PRDM4: variants seen among roughly 807,000 people sequenced by gnomAD.
PRDM4 encodes PR/SET domain 4.
Under a neutral mutation model 62.3 loss-of-function variants are expected in PRDM4, and 38 were observed. That is an observed-to-expected ratio of 0.61 (90% CI 0.47 to 0.80). The LOEUF (loss-of-function observed/expected upper bound fraction) is 0.80. PRDM4 is among the 30% of genes least tolerant of loss of function. The pLI, the probability that PRDM4 is intolerant of heterozygous loss-of-function variation, is 0.00. For synonymous variants in PRDM4, 339 were observed against 348.2 expected (o/e 0.97, Z 0.30); for missense variants, 858 against 997.1 (o/e 0.86, Z 1.88).
chr12:107,760,552 G>C lies in PRDM4; in HGVS notation c.-37C>G. On this transcript the variant is annotated 5_prime_UTR_variant, in exon 2 of 12. Coordinates refer to ENST00000228437, the MANE Select transcript of PRDM4 (RefSeq NM_012406.4). ...CAAATATCAGAGAAAGGAGCGCTCG[G>C]GTGGTGGGGAACAGGCATCAGGGTT... 6.2e-7 allele frequency: 1 copy of C among 1,611,994 alleles called. No homozygotes were observed. The highest frequency in any genetic ancestry group is 1.1e-5 in the South Asian group (1 of 90,650).
At chr12:107,758,425 T>C (rs1008023619) in intron 2 of PRDM4, 2 of 151,988 alleles carry the variant, frequency 1.3e-5, no homozygotes, top group African/African-American at 4.8e-5. Context: ...AATTTGTTTT[T>C]ATTTTGCAGA....
chr12:107,740,495 ATTTTT>A, intron 10 of PRDM4, among the ~76,000 whole-genome samples: 1 of 150,736 alleles, frequency 6.6e-6, no homozygotes, highest in East Asian at 1.9e-4. Flanking sequence ...TCAAAAAAAA[ATTTTT>A]TTTTTTCTTA....
chr12:107,745,554 T>C (rs1349516574), intron 6 of PRDM4, among the ~76,000 whole-genome samples: 4 of 152,146 alleles, frequency 2.6e-5, no homozygotes, highest in Non-Finnish European at 5.9e-5. Context: ...CACTCCAGCC[T>C]GGGCAACAGA....
intron 4 of PRDM4, among the ~76,000 whole-genome samples, chr12:107,753,212 TAA>T (rs1181324925): frequency 6.6e-6 from 1 of 151,954 alleles, no homozygotes; most frequent in East Asian, 1.9e-4. Context: ...TCTCTTTTTT[TAA>T]AAAAGTTATT....
At chr12:107,757,424 A>AG (rs1278634567) in intron 2 of PRDM4, among the ~76,000 whole-genome samples, 1 of 152,260 alleles carries the variant, frequency 6.6e-6, no homozygotes. Context: ...TAGGAGTTAA[A>AG]GATCCAGATT....
At position 107,760,647 on chromosome 12, in the gene PRDM4, G is replaced by C; in HGVS notation, c.-132C>G. The C allele has an allele frequency of 8.5e-7, 1 of 1,182,566 alleles. No homozygotes were observed. The highest frequency in any genetic ancestry group is 1.2e-6 in the Non-Finnish European group (1 of 849,336). The allele number at this position is 1,182,566 out of a possible 1,614,324, so 73.3% of individuals were successfully genotyped here. A position where few individuals can be genotyped will look rare whatever the true frequency, so the allele number is the denominator to read the frequency against. ...GCACCGACGCGGCCACTCGTCCCCG[G>C]GGTCGCCCGGGGCCGCCCAACTTCT... On this transcript the variant is annotated 5_prime_UTR_variant, in exon 2 of 12. Coordinates refer to ENST00000228437, the MANE Select transcript of PRDM4 (RefSeq NM_012406.4).
At chr12:107,744,774 T>C (rs928290667) in intron 6 of PRDM4, 113 bp from the exon 7 acceptor site, 63 of 1,431,828 alleles carry the variant, frequency 4.4e-5, no homozygotes, top group East Asian at 7.7e-5. Flanking sequence ...TTAACCAATA[T>C]GTAGGCTGGG....
chr12:107,742,601 TA>T (rs1208382086), intron 8 of PRDM4: 1 of 449,932 alleles, frequency 2.2e-6, no homozygotes, highest in Admixed American at 4.2e-5. Context: ...GCAAACAAGA[TA>T]AATAAAATGA....
At chr12:107,753,198 C>G (rs1401188705) in intron 4 of PRDM4, among the ~76,000 whole-genome samples, 1 of 151,946 alleles carries the variant, frequency 6.6e-6, no homozygotes, top group Non-Finnish European at 1.5e-5. Context: ...ATGCCAAAAC[C>G]CCATCTCTTT....
intron 10 of PRDM4, 89 bp from the exon 11 acceptor site, chr12:107,739,640 G>T: frequency 1.5e-6 from 2 of 1,362,582 alleles, no homozygotes; most frequent in Non-Finnish European, 2.0e-6. Context: ...ATGCAGCAGA[G>T]GCAGGAATGA....
In PRDM4 at chr12:107,752,168, T is replaced by C. The variant is rs930256549; in HGVS notation, c.373A>G (p.Ile125Val). The change falls in exon 5 of 12, where the codon ATC becomes GTC. Residue 125 changes from isoleucine (I) to valine (V), a missense_variant. Ile to Val is a conservative substitution (Grantham distance 29). Transcript: ENST00000228437. ...TCAACATTTATAGAGTTAGGGTGGA[T>C]GTACTGTGGAGGTGGTCTGTCAGCT... ...YLADRPPPQYIHPNSINVDGN... is the reference protein window; with the variant it reads ...YLADRPPPQYVHPNSINVDGN... 1.3e-6 allele frequency: 2 copies of C among 1,598,384 alleles called. No individual in the cohort carries two copies. Among genetic ancestry groups the C allele is most frequent in the African/African-American group, 1.3e-5 (1 of 74,688 alleles).
In PRDM4 at chr12:107,742,347, TC is replaced by T. The variant is rs771342521; in HGVS notation, c.1482del (p.Asn495ThrfsTer69). ...CNWMMFVRKARNREEQNLVAY... is the reference protein window; with the variant it reads ...CNWMMFVRKAXNREEQNLVAY... ...GCCACCAAATTCTGCTCTTCCCGGTTCCTGAGTTATCACATTTAATAGATCA... is the reference window on the plus strand; with the variant it reads ...GCCACCAAATTCTGCTCTTCCCGGTTCTGAGTTATCACATTTAATAGATCA... On this transcript the variant is annotated frameshift_variant and splice_region_variant, in exon 9 of 12. Coordinates refer to ENST00000228437, the MANE Select transcript of PRDM4 (RefSeq NM_012406.4). LOFTEE classifies it high-confidence loss of function. 6.2e-7 allele frequency: 1 copy of T among 1,613,588 alleles called. No individual in the cohort carries two copies. The highest frequency in any genetic ancestry group is 8.5e-7 in the Non-Finnish European group (1 of 1,179,686).
At chr12:107,753,468 T>C (rs76708593) in intron 4 of PRDM4, among the ~76,000 whole-genome samples, 7,839 of 151,404 alleles carry the variant, frequency 0.052, 314 homozygotes, top group Non-Finnish European at 0.08. Flanking sequence ...CCAAAACAAA[T>C]GGCAGGAAGG....
At chr12:107,744,476 A>G in intron 7 of PRDM4, 67 bp downstream of exon 7, 2 of 1,553,754 alleles carry the variant, frequency 1.3e-6, no homozygotes, top group Non-Finnish European at 8.8e-7. Context: ...ACTTTATCAT[A>G]ACTTTTTAAC....
intron 7 of PRDM4, 135 bp downstream of exon 7, chr12:107,744,408 G>T: frequency 1.0e-6 from 1 of 990,496 alleles, no homozygotes; most frequent in Non-Finnish European, 1.4e-6. Context: ...TTAAAAAAAT[G>T]TACGTGAAAT....
At chr12:107,758,023 G>A (rs1355734397) in intron 2 of PRDM4, among the ~76,000 whole-genome samples, 2 of 152,110 alleles carry the variant, frequency 1.3e-5, no homozygotes, top group African/African-American at 4.8e-5. Context: ...TTTATTCTCT[G>A]CGTATGGGAG....
chr12:107,744,687 ACAAT>A, intron 6 of PRDM4, 26 bp from the exon 7 acceptor site: 2 of 1,610,982 alleles, frequency 1.2e-6, no homozygotes, highest in Middle Eastern at 1.7e-4. Context: ...CACCAACTAC[ACAAT>A]CAATGATTTA....
intron 11 of PRDM4, among the ~76,000 whole-genome samples, chr12:107,737,400 CTT>C (rs1277507626): frequency 6.6e-6 from 1 of 152,156 alleles, no homozygotes; most frequent in Non-Finnish European, 1.5e-5. Context: ...ATAAGAATGA[CTT>C]ATACCAGCTT....
intron 11 of PRDM4, among the ~76,000 whole-genome samples, chr12:107,735,985 A>G (rs976956383): frequency 2.0e-5 from 3 of 151,970 alleles, no homozygotes; most frequent in African/African-American, 7.3e-5. Flanking sequence ...ATCTAATCCA[A>G]CCTCTTAATT....
Sources: allele counts gnomAD v4.1 joint callset (sites outside exome capture counted in the v4.1 genomes callset), GRCh38; gene constraint gnomAD v4.1.1; transcripts MANE v1.5; gene names NCBI Gene and HGNC (gene_info 2026-07-23, HGNC 2026-07-21).